SLC8A3: variants seen among roughly 807,000 people sequenced by gnomAD.
The protein encoded by SLC8A3 is solute carrier family 8 member A3, also known as sodium/calcium exchanger 3.
SLC8A3 carries 37 observed loss-of-function variants against 65.4 expected under a neutral mutation model. That is an observed-to-expected ratio of 0.57 (90% CI 0.44 to 0.74). The LOEUF is 0.74. Ranked by LOEUF, SLC8A3 falls within the 30% of genes least tolerant of loss-of-function variation. The pLI is 0.00. For missense variants in SLC8A3, 1,112 were observed against 1,172.1 expected (o/e 0.95, Z 0.75); for synonymous variants, 461 against 444.5 (o/e 1.04, Z -0.47).
intron 2 of SLC8A3, among the ~76,000 whole-genome samples, chr14:70,106,284 T>A (rs1035972106): frequency 6.6e-6 from 1 of 152,100 alleles, no homozygotes; most frequent in Non-Finnish European, 1.5e-5. Flanking sequence ...TCTGGATAAA[T>A]AAAATTTATT....
intron 2 of SLC8A3, chr14:70,079,929 T>C: frequency 1.1e-5 from 2 of 175,004 alleles, no homozygotes; most frequent in Non-Finnish European, 2.3e-5. Context: ...TTAGTTCTAC[T>C]GCTTATAGCT....
intron 3 of SLC8A3, among the ~76,000 whole-genome samples, chr14:70,054,820 C>A (rs1165261378): frequency 6.6e-6 from 1 of 152,136 alleles, no homozygotes; most frequent in Non-Finnish European, 1.5e-5. Flanking sequence ...CCTTCCTGAA[C>A]CCAAGATGTA....
At chr14:70,112,449 A>G (rs1303523072) in intron 2 of SLC8A3, among the ~76,000 whole-genome samples, 1 of 152,206 alleles carries the variant, frequency 6.6e-6, no homozygotes, top group Non-Finnish European at 1.5e-5. Flanking sequence ...CTGACAGTCT[A>G]GGTGGGACCA....
At chr14:70,048,517 CA>C in intron 6 of SLC8A3, 5 of 623,886 alleles carry the variant, frequency 8.0e-6, no homozygotes, top group Admixed American at 2.5e-5. Flanking sequence ...GGAAACATTA[CA>C]GGGGGAAAAT....
intron 2 of SLC8A3, among the ~76,000 whole-genome samples, chr14:70,112,843 T>C (rs1255487455): frequency 1.3e-5 from 2 of 152,172 alleles, no homozygotes; most frequent in Non-Finnish European, 2.9e-5. Flanking sequence ...GATGCCTCAC[T>C]CCAGTCTTTG....
intron 2 of SLC8A3, among the ~76,000 whole-genome samples, chr14:70,151,180 G>A (rs1023407611): frequency 1.3e-5 from 2 of 151,994 alleles, no homozygotes; most frequent in Non-Finnish European, 2.9e-5. Flanking sequence ...CTTGAACCTG[G>A]GAGGCAGAGG....
chr14:70,053,863 T>C (rs1415582366), intron 3 of SLC8A3, among the ~76,000 whole-genome samples: 1 of 152,258 alleles, frequency 6.6e-6, no homozygotes, highest in Non-Finnish European at 1.5e-5. Context: ...TAGTTTCTAG[T>C]TTCTCGGTTT....
Position 70,046,364 on chromosome 14 carries a change from A to C in SLC8A3, c.2390-41T>G. Reference sequence around the variant, plus strand: ...GACACATGGGAACTGGTAGGAGGCTAAGGTGTGCAGGGCTTGTCTTCCAGT... The same window carrying C: ...GACACATGGGAACTGGTAGGAGGCTCAGGTGTGCAGGGCTTGTCTTCCAGT... On this transcript the variant is annotated intron_variant, in intron 6 of 6. Transcript: ENST00000356921. The surrounding 1 kb of genome is among the most constrained non-coding windows in gnomAD (Gnocchi z 4.2). 6.4e-7 allele frequency: 1 copy of C among 1,559,774 alleles called. No homozygotes were observed. The highest frequency in any genetic ancestry group is 2.3e-5 in the East Asian group (1 of 44,304).
Position 70,167,925 on chromosome 14 carries a change from T to C in SLC8A3, c.498A>G (p.Gly166=). The C allele has an allele frequency of 6.2e-7, 1 of 1,614,078 alleles. No individual in the cohort carries two copies. The highest frequency in any genetic ancestry group is 1.7e-5 in the Admixed American group (1 of 60,008). ...CTGCACTCCCTACAATGGTAGAAGG[T>C]CCCAGATCACCAGCAATGAACCCAT... The part of the protein sequence containing the change: ...CGHGFIAGDL[G]PSTIVGSAAF... Residue 166 remains glycine, a synonymous_variant, in exon 2 of 7, where the codon GGA becomes GGG. Coordinates refer to ENST00000356921, the MANE Select transcript of SLC8A3 (RefSeq NM_182932.3).
At chr14:70,129,904 G>A (rs893664370) in intron 2 of SLC8A3, among the ~76,000 whole-genome samples, 12 of 152,198 alleles carry the variant, frequency 7.9e-5, no homozygotes, top group East Asian at 1.9e-4. Flanking sequence ...CATCTTCTAC[G>A]TACCTGCCAG....
intron 2 of SLC8A3, among the ~76,000 whole-genome samples, chr14:70,146,622 ATGAC>A (rs1206115401): frequency 6.6e-6 from 1 of 152,210 alleles, no homozygotes; most frequent in African/African-American, 2.4e-5. Context: ...TAAAATTTGA[ATGAC>A]TGGGTGGCCT....
intron 2 of SLC8A3, among the ~76,000 whole-genome samples, chr14:70,113,903 G>A (rs1893478793): frequency 5.9e-5 from 1 of 17,048 alleles, no homozygotes; most frequent in African/African-American, 7.5e-5. Context: ...GTAGCCTAGG[G>A]GACATTTTTT....
At chr14:70,186,322 A>C (rs989394905) in intron 1 of SLC8A3, among the ~76,000 whole-genome samples, 1 of 152,096 alleles carries the variant, frequency 6.6e-6, no homozygotes, top group African/African-American at 2.4e-5. Flanking sequence ...TAAATTACCC[A>C]GTCTTGGGTA....
intron 2 of SLC8A3, among the ~76,000 whole-genome samples, chr14:70,158,281 T>C (rs892539666): frequency 1.3e-5 from 2 of 152,200 alleles, no homozygotes; most frequent in Non-Finnish European, 2.9e-5. Context: ...GCCCTTGTGA[T>C]GGTGGCAGAA....
At chr14:70,101,184 C>T (rs1038637372) in intron 2 of SLC8A3, among the ~76,000 whole-genome samples, 2 of 152,114 alleles carry the variant, frequency 1.3e-5, no homozygotes, top group Admixed American at 1.3e-4. Flanking sequence ...TGAGGGCAGA[C>T]AGACATAAAA....
rs1897313672 is a variant in SLC8A3 at position 70,168,466 on chromosome 14, C to T, written c.-44G>A. 9 of 1,506,264 alleles carry T rather than the reference C, an allele frequency of 6.0e-6. No individual in the cohort carries two copies. Among genetic ancestry groups the T allele is most frequent in the Non-Finnish European group, 7.3e-6 (8 of 1,097,186 alleles). 93.3% of individuals were successfully genotyped at this position (1,506,264 alleles called of 1,614,324 possible). A position where few individuals can be genotyped will look rare whatever the true frequency, so the allele number is the denominator to read the frequency against. The stretch of plus-strand genomic sequence containing the variant: ...GGCTTCTATTGCAGCACCAGTTGTC[C>T]TCCTGATAGGCCAGAGACCTAGAAA... On this transcript the variant is annotated 5_prime_UTR_variant, in exon 2 of 7. Transcript: ENST00000356921.
At chr14:70,101,149 C>T (rs2140106568) in intron 2 of SLC8A3, among the ~76,000 whole-genome samples, 1 of 152,334 alleles carries the variant, frequency 6.6e-6, no homozygotes, top group South Asian at 2.1e-4. Flanking sequence ...GGCAGGATTT[C>T]TGTTCTCCTG....
chr14:70,172,657 A>G (rs2140399334), intron 1 of SLC8A3, among the ~76,000 whole-genome samples: 1 of 151,544 alleles, frequency 6.6e-6, no homozygotes. Context: ...TAGACCTGGT[A>G]TTAGACGCTG....
rs1897214957 is a variant in SLC8A3, at chr14:70,167,093, C to A, written c.1330G>T (p.Ala444Ser). The A allele has an allele frequency of 6.2e-7, 1 of 1,613,966 alleles. No individual in the cohort carries two copies. The highest frequency in any genetic ancestry group is 8.5e-7 in the Non-Finnish European group (1 of 1,180,044). ...GTGCCCTCTGTGAACTCATAGTCAG[C>A]CCCTGCATTGGCAGAACCATCCTCT... The part of the protein sequence containing the change: ...KTEDGSANAG[A>S]DYEFTEGTVV... Residue 444 changes from alanine (A) to serine (S), a missense_variant, in exon 2 of 7, where the codon GCT (alanine) becomes TCT (serine). Transcript: ENST00000356921.
Sources: gnomAD v4.1 joint callset for allele counts (sites outside exome capture counted in the v4.1 genomes callset) on GRCh38, gnomAD v4.1.1 for gene constraint, Gnocchi (gnomAD v3.1) non-coding constraint, MANE v1.5 for transcripts, NCBI Gene and HGNC (gene_info 2026-07-23, HGNC 2026-07-21) for gene names.